KCNQ1: variants seen among roughly 807,000 people sequenced by gnomAD.
The protein encoded by KCNQ1 is potassium voltage-gated channel subfamily KQT member 1.
A neutral mutation model predicts 72.4 loss-of-function variants in KCNQ1; 49 were observed. The observed-to-expected ratio is 0.68, with a 90% CI of 0.54 to 0.86. The LOEUF is 0.86. KCNQ1 is among the 40% of genes least tolerant of loss of function. The probability of loss-of-function intolerance (pLI) is 0.00; values close to 1 mark genes in which losing one functional copy is unlikely to be tolerated. For synonymous variants in KCNQ1, 450 were observed against 412.6 expected (o/e 1.09, Z -1.10); for missense variants, 790 against 945.1 (o/e 0.84, Z 2.15).
chr11:2,620,404 C>T lies in KCNQ1; in HGVS notation c.1393+31550C>T, dbSNP rs1849150080. The T allele has an allele frequency of 4.4e-6, 1 of 225,770 alleles. No homozygotes were observed. 14.0% of individuals were successfully genotyped at this position (225,770 alleles called of 1,614,324 possible). Reference sequence around the variant, plus strand: ...GCTAATTTTGTAGTTTTAGTAGAGACAGGGTTTTTCCATGTTGGTCAGGCT... The same window carrying T: ...GCTAATTTTGTAGTTTTAGTAGAGATAGGGTTTTTCCATGTTGGTCAGGCT... On this transcript the variant is annotated intron_variant, in intron 10 of 15. Transcript: ENST00000155840. This position sits in a 1 kb window ranked among gnomAD's most constrained non-coding sequence, Gnocchi z 4.5.
rs1851072615 is a variant in KCNQ1 at position 2,715,259 on chromosome 11, C to A, written c.1514+53178C>A. Among the ~76,000 whole-genome samples the A allele has an allele frequency of 6.6e-6, 1 of 152,172 alleles. No homozygotes were observed. Among genetic ancestry groups the A allele is most frequent in the Admixed American group, 6.5e-5 (1 of 15,284 alleles). On this transcript the variant is annotated intron_variant, in intron 11 of 15. Transcript: ENST00000155840. This position sits in a 1 kb window ranked among gnomAD's most constrained non-coding sequence, Gnocchi z 4.9. Reference sequence around the variant, plus strand: ...TGGCCAGCTGGGGTTTGGTGCTGAGCCTCTGTCTGACTCTCTGCTCTCTGG... The same window carrying A: ...TGGCCAGCTGGGGTTTGGTGCTGAGACTCTGTCTGACTCTCTGCTCTCTGG...
At position 2,499,943 on chromosome 11, in the gene KCNQ1, C is replaced by G. The variant is rs1046222510; in HGVS notation, c.387-27985C>G. Among the ~76,000 whole-genome samples, 4 of 152,136 alleles carry G rather than the reference C, an allele frequency of 2.6e-5. No individual in the cohort carries two copies. The East Asian group carries it at 7.7e-4, about 29-fold the overall frequency. ...ATCACAAAACAAGTCTTGAAACATT[C>G]TAAAAAATTGAAATACTATCAAGCA... On this transcript the variant is annotated intron_variant, in intron 1 of 15. Transcript: ENST00000155840.
chr11:2,829,936 G>A (rs1847907730), intron 15 of KCNQ1, among the ~76,000 whole-genome samples: 1 of 144,382 alleles, frequency 6.9e-6, no homozygotes. Context: ...ATACCCTGGT[G>A]GGGAGGGGGA....
chr11:2,738,168 CG>C (rs1845989832), intron 11 of KCNQ1, among the ~76,000 whole-genome samples: 1 of 146,548 alleles, frequency 6.8e-6, no homozygotes, highest in African/African-American at 2.6e-5. Context: ...GGAGGAGAGA[CG>C]AGGGCAGAAG....
intron 15 of KCNQ1, among the ~76,000 whole-genome samples, chr11:2,778,989 G>A (rs373756145): frequency 1.5e-3 from 222 of 152,318 alleles, no homozygotes; most frequent in Non-Finnish European, 2.6e-3. Flanking sequence ...GGCCTGGGGC[G>A]GCCGTGGGGC....
At chr11:2,804,669 C>G (rs1590100570) in intron 15 of KCNQ1, among the ~76,000 whole-genome samples, 1 of 150,484 alleles carries the variant, frequency 6.6e-6, no homozygotes, top group South Asian at 2.1e-4. Flanking sequence ...GTTGCACTGC[C>G]CAGCGTGAAG....
At chr11:2,756,951 TAAAAA>T (rs58284663) in intron 11 of KCNQ1, among the ~76,000 whole-genome samples, 711 of 50,940 alleles carry the variant, frequency 0.014, 12 homozygotes, top group African/African-American at 0.044. Flanking sequence ...AAGAGCATCT[TAAAAA>T]AAAAAAAAAA....
chr11:2,811,093 G>T (rs1222678993), intron 15 of KCNQ1, among the ~76,000 whole-genome samples: 1 of 152,164 alleles, frequency 6.6e-6, no homozygotes, highest in African/African-American at 2.4e-5. Flanking sequence ...GGTGGGCGTG[G>T]ACCCTAGCGT....
Position 2,579,584 on chromosome 11 carries a change from C to T in KCNQ1, c.922-3851C>T, listed in dbSNP as rs1417256896. Among the ~76,000 whole-genome samples the T allele has an allele frequency of 6.6e-6, 1 of 152,202 alleles. No homozygotes were observed. The highest frequency in any genetic ancestry group is 1.5e-5 in the Non-Finnish European group (1 of 68,026). On this transcript the variant is annotated intron_variant, in intron 6 of 15. Coordinates refer to ENST00000155840, the MANE Select transcript of KCNQ1 (RefSeq NM_000218.3). This position sits in a 1 kb window ranked among gnomAD's most constrained non-coding sequence, Gnocchi z 6.0. ...AACAAACAGGTCTGCAGGGAGGGGC[C>T]GTTTCCTTGTTAACTTGAGGATGAG...
intron 2 of KCNQ1, among the ~76,000 whole-genome samples, chr11:2,534,042 G>A (rs993101469): frequency 1.1e-4 from 16 of 152,134 alleles, no homozygotes; most frequent in Non-Finnish European, 1.9e-4. Flanking sequence ...CCCGCCAGCT[G>A]CAGCCTCCAC....
rs1846505589 is a variant in KCNQ1, at chr11:2,766,767, A to G, written c.1515-2077A>G. Among the ~76,000 whole-genome samples, 1 of 152,214 alleles carries G rather than the reference A, an allele frequency of 6.6e-6. No individual in the cohort carries two copies. The highest frequency in any genetic ancestry group is 2.1e-4 in the South Asian group (1 of 4,832). On this transcript the variant is annotated intron_variant, in intron 11 of 15. Coordinates refer to ENST00000155840, the MANE Select transcript of KCNQ1 (RefSeq NM_000218.3). This position sits in a 1 kb window ranked among gnomAD's most constrained non-coding sequence, Gnocchi z 4.4. ...CAGCCTCTGTCCAATTCCTTGTCCC[A>G]AAATTAATGCTGTAAGTTTTAGGAT... is the stretch of plus-strand genomic sequence containing the variant.
At chr11:2,753,796 G>A (rs1339779369) in intron 11 of KCNQ1, among the ~76,000 whole-genome samples, 1 of 152,132 alleles carries the variant, frequency 6.6e-6, no homozygotes, top group Non-Finnish European at 1.5e-5. Context: ...TTTGGCCGGG[G>A]ACACACACAT....
intron 10 of KCNQ1, among the ~76,000 whole-genome samples, chr11:2,590,951 G>A (rs1376532010): frequency 1.3e-5 from 2 of 152,232 alleles, no homozygotes; most frequent in Non-Finnish European, 2.9e-5. Context: ...CAGGTCACCT[G>A]CTGTGTATGT....
rs1028423557 is a variant in KCNQ1, at chr11:2,664,908, G to A, written c.1514+2827G>A. On this transcript the variant is annotated intron_variant, in intron 11 of 15. Coordinates refer to ENST00000155840, the MANE Select transcript of KCNQ1 (RefSeq NM_000218.3). The surrounding 1 kb of genome is among the most constrained non-coding windows in gnomAD (Gnocchi z 5.1). ...TAAAGACACATTTTGTTTCCATCTC[G>A]AGCTCTCCCCGCCCGCAGGGCCCCA... 3 of 398,394 alleles carry A rather than the reference G, an allele frequency of 7.5e-6. No individual in the cohort carries two copies. Among genetic ancestry groups the A allele is most frequent in the Admixed American group, 4.4e-5 (1 of 22,710 alleles). The allele number at this position is 398,394 out of a possible 1,614,324, so 24.7% of individuals were successfully genotyped here. A position where few individuals can be genotyped will look rare whatever the true frequency, so the allele number is the denominator to read the frequency against.
rs1407262565 is a variant in KCNQ1 at position 2,816,429 on chromosome 11, T to C, written c.1795-31338T>C. On this transcript the variant is annotated intron_variant, in intron 15 of 15. Transcript: ENST00000155840. This position sits in a 1 kb window ranked among gnomAD's most constrained non-coding sequence, Gnocchi z 6.8. ...ACACTCACCCTGTGGTCCAGTGATC[T>C]CCTTCTGAGAATCCGCCCTGGAGCA... Among the ~76,000 whole-genome samples, 1 of 152,174 alleles carries C rather than the reference T, an allele frequency of 6.6e-6. No homozygotes were observed. Among genetic ancestry groups the C allele is most frequent in the Non-Finnish European group, 1.5e-5 (1 of 68,044 alleles).
At position 2,745,715 on chromosome 11, in the gene KCNQ1, T is replaced by C. The variant is rs950201449; in HGVS notation, c.1515-23129T>C. ...GAGGCAGGGGCTTCCTCTGACACGA[T>C]ACAGGGATTTGCTGACGGTTCCTTG... On this transcript the variant is annotated intron_variant, in intron 11 of 15. Coordinates refer to ENST00000155840, the MANE Select transcript of KCNQ1 (RefSeq NM_000218.3). This position sits in a 1 kb window ranked among gnomAD's most constrained non-coding sequence, Gnocchi z 6.2. Among the ~76,000 whole-genome samples, 2 of 152,168 alleles carry C rather than the reference T, an allele frequency of 1.3e-5. No individual in the cohort carries two copies. The highest frequency in any genetic ancestry group is 4.8e-5 in the African/African-American group (2 of 41,458).
chr11:2,628,643 G>A, intron 10 of KCNQ1: 1 of 398,304 alleles, frequency 2.5e-6, no homozygotes, highest in Non-Finnish European at 4.4e-6. Flanking sequence ...TTTGTTTGAT[G>A]TAGTTCTAAT....
rs1309942328 is a variant in KCNQ1 at position 2,662,064 on chromosome 11, C to T, written c.1497C>T (p.Pro499=). Reference sequence around the variant, plus strand: ...TGGAAGGGGAGACTCTGCTGACACCCATCACCCACATCTCACAGTGAGTGC... The same window carrying T: ...TGGAAGGGGAGACTCTGCTGACACCTATCACCCACATCTCACAGTGAGTGC... ...LDLEGETLLT[P]ITHISQLREH... The change falls in exon 11 of 16, where the codon CCC becomes CCT. Residue 499 remains proline (P), a synonymous_variant. Coordinates refer to ENST00000155840, the MANE Select transcript of KCNQ1 (RefSeq NM_000218.3). 2 of 1,614,136 alleles carry T rather than the reference C, an allele frequency of 1.2e-6. No homozygotes were observed. The highest frequency in any genetic ancestry group is 1.7e-6 in the Non-Finnish European group (2 of 1,180,058).
At chr11:2,835,741 T>G (rs1848050502) in intron 15 of KCNQ1, among the ~76,000 whole-genome samples, 1 of 152,180 alleles carries the variant, frequency 6.6e-6, no homozygotes, top group African/African-American at 2.4e-5. Context: ...GGCAAGGGAC[T>G]TAAGTAATTA....
Sources: gnomAD v4.1 joint callset for allele counts (sites outside exome capture counted in the v4.1 genomes callset) on GRCh38, gnomAD v4.1.1 for gene constraint, Gnocchi (gnomAD v3.1) non-coding constraint, MANE v1.5 for transcripts, NCBI Gene and HGNC (gene_info 2026-07-23, HGNC 2026-07-21) for gene names.